DENND1A: variants seen among roughly 807,000 people sequenced by gnomAD.
DENND1A encodes the protein DENN domain-containing protein 1A.
DENND1A carries 51 observed loss-of-function variants against 113.7 expected under a neutral mutation model. The ratio of observed to expected loss-of-function variants is 0.45; its 90% CI spans 0.36 to 0.57. DENND1A has a LOEUF of 0.57. DENND1A is among the 20% of genes least tolerant of loss of function. The pLI, the probability that DENND1A is intolerant of heterozygous loss-of-function variation, is 0.00. For synonymous variants in DENND1A, 565 were observed against 570.8 expected (o/e 0.99, Z 0.14); for missense variants, 1,258 against 1,395.9 (o/e 0.90, Z 1.57).
At chr9:123,575,432 C>T (rs1295070428) in intron 12 of DENND1A, among the ~76,000 whole-genome samples, 1 of 152,164 alleles carries the variant, frequency 6.6e-6, no homozygotes, top group African/African-American at 2.4e-5. Context: ...TTGGAGACCC[C>T]TGTTGCAGAA....
At chr9:123,453,035 C>A (rs758428783) in intron 16 of DENND1A, among the ~76,000 whole-genome samples, 1 of 152,118 alleles carries the variant, frequency 6.6e-6, no homozygotes, top group Non-Finnish European at 1.5e-5. Context: ...AAGGCCTTCC[C>A]GCTCCTAAAA....
intron 4 of DENND1A, among the ~76,000 whole-genome samples, chr9:123,762,534 T>C (rs1019698806): frequency 6.6e-6 from 1 of 152,240 alleles, no homozygotes; most frequent in African/African-American, 2.4e-5. Flanking sequence ...AACAAACTTT[T>C]ACATGTGAGC....
chr9:123,722,647 C>A (rs2067422401), intron 5 of DENND1A, among the ~76,000 whole-genome samples: 1 of 152,212 alleles, frequency 6.6e-6, no homozygotes, highest in Non-Finnish European at 1.5e-5. Flanking sequence ...ACAGCTCAGG[C>A]TGTTGCTTCA....
chr9:123,745,156 A>C (rs17288815), intron 5 of DENND1A, among the ~76,000 whole-genome samples: 2,418 of 152,250 alleles, frequency 0.016, 29 homozygotes, highest in Non-Finnish European at 0.021. Flanking sequence ...GAGTAATCAG[A>C]AGCTCATTTC....
chr9:123,558,279 C>T (rs2057541208), intron 12 of DENND1A, among the ~76,000 whole-genome samples: 1 of 152,152 alleles, frequency 6.6e-6, no homozygotes, highest in Admixed American at 6.5e-5. Context: ...GTAGTCTGGG[C>T]CCAAACTCAG....
At chr9:123,572,443 C>T (rs983642379) in intron 12 of DENND1A, among the ~76,000 whole-genome samples, 4 of 152,094 alleles carry the variant, frequency 2.6e-5, no homozygotes, top group Non-Finnish European at 4.4e-5. Context: ...GGTGTGGGAT[C>T]GCCTGGTCAT....
At chr9:123,437,634 A>G (rs1386283443) in intron 19 of DENND1A, 1 of 152,142 alleles carries the variant, frequency 6.6e-6, no homozygotes, top group Non-Finnish European at 1.5e-5. Context: ...GACATATCAC[A>G]TGGCTGCAGT....
chr9:123,534,389 A>G (rs917730686), intron 13 of DENND1A, among the ~76,000 whole-genome samples: 2 of 152,254 alleles, frequency 1.3e-5, no homozygotes, highest in Non-Finnish European at 2.9e-5. Context: ...AGCTTAAAGT[A>G]ACTAGTTTTC....
intron 10 of DENND1A, among the ~76,000 whole-genome samples, chr9:123,618,377 A>C (rs560253624): frequency 4.6e-5 from 7 of 152,316 alleles, no homozygotes; most frequent in African/African-American, 1.7e-4. Flanking sequence ...CCAGGCTCCA[A>C]ATCAGGGAGG....
Position 123,382,448 on chromosome 9 carries a change from G to C in DENND1A, c.2197C>G (p.Arg733Gly). ...ALLGNSLALP[R>G]RPQNRDSILN... ...ATGCTGTCCCGGTTCTGGGGCCTTC[G>C]AGGCAGGGCCAGGGAGTTTCCGAGC... The change falls in exon 24 of 24, where the codon CGA becomes GGA. Residue 733 changes from arginine (R) to glycine (G), a missense_variant. Arg to Gly is a moderately radical substitution (Grantham distance 125, BLOSUM62 -2). Coordinates refer to ENST00000394215, the MANE Select transcript of DENND1A (RefSeq NM_001352964.2). 2 of 1,612,064 alleles carry C rather than the reference G, an allele frequency of 1.2e-6. No homozygotes were observed. The highest frequency in any genetic ancestry group is 1.7e-6 in the Non-Finnish European group (2 of 1,179,038).
intron 13 of DENND1A, among the ~76,000 whole-genome samples, chr9:123,541,789 C>T (rs1377223005): frequency 6.6e-6 from 1 of 152,238 alleles, no homozygotes; most frequent in East Asian, 1.9e-4. Context: ...TACTTCCCAT[C>T]TGCCATCGCA....
At chr9:123,489,257 T>C (rs2051156540) in intron 13 of DENND1A, among the ~76,000 whole-genome samples, 1 of 152,112 alleles carries the variant, frequency 6.6e-6, no homozygotes, top group African/African-American at 2.4e-5. Flanking sequence ...CTTACTATGA[T>C]GAAAGGAGAG....
At chr9:123,463,095 C>T (rs1245215647) in intron 13 of DENND1A, among the ~76,000 whole-genome samples, 1 of 152,210 alleles carries the variant, frequency 6.6e-6, no homozygotes, top group Admixed American at 6.5e-5. Flanking sequence ...AGCCCTTTGT[C>T]TTCTTAGGTG....
chr9:123,460,622 C>G (rs2048452324), intron 13 of DENND1A, among the ~76,000 whole-genome samples: 1 of 152,194 alleles, frequency 6.6e-6, no homozygotes, highest in Non-Finnish European at 1.5e-5. Context: ...CTTTCTAACT[C>G]CTTCCTATTT....
chr9:123,721,930 G>C lies in DENND1A; in HGVS notation c.302+35773C>G, dbSNP rs560309920. Among the ~76,000 whole-genome samples the C allele has an allele frequency of 2.8e-4, 42 of 152,340 alleles. No individual in the cohort carries two copies. In the South Asian group the frequency reaches 8.1e-3, roughly 29 times the overall value. ...CATTGCTGAAAAGATACCCAAAAAT[G>C]TGGAAGTGACTTTGGAACTGGGTAA... On this transcript the variant is annotated intron_variant, in intron 5 of 23. Transcript: ENST00000394215.
intron 21 of DENND1A, chr9:123,400,189 C>T (rs2043357329): frequency 1.3e-5 from 2 of 152,240 alleles, no homozygotes; most frequent in South Asian, 4.1e-4. Flanking sequence ...TCAAAAAAGT[C>T]TTCTTCCAAT....
Position 123,466,846 on chromosome 9 carries a change from G to A in DENND1A, c.994-8949C>T, listed in dbSNP as rs909299623. 2.7e-5 allele frequency among the ~76,000 whole-genome samples: 4 copies of A among 150,586 alleles called. No individual in the cohort carries two copies. The Admixed American group carries it at 2.7e-4, about 10-fold the overall frequency. ...GCCCAGGAGTTTGAGACCAGCCTGG[G>A]CAACACAGAGAGACCCCGTCTAGAC... On this transcript the variant is annotated intron_variant, in intron 13 of 23. Coordinates refer to ENST00000394215, the MANE Select transcript of DENND1A (RefSeq NM_001352964.2).
rs1182107867 is a variant in DENND1A at position 123,457,565 on chromosome 9, C to G, written c.1099-130G>C. ...TAAGGTTCAACAGGCAAGTTTCTTTCTAAAATACCGGCTGCATATTTATGA... is the reference window on the plus strand; with the variant it reads ...TAAGGTTCAACAGGCAAGTTTCTTTGTAAAATACCGGCTGCATATTTATGA... On this transcript the variant is annotated intron_variant, in intron 14 of 23. Coordinates refer to ENST00000394215, the MANE Select transcript of DENND1A (RefSeq NM_001352964.2). The G allele has an allele frequency of 6.1e-6, 5 of 821,204 alleles. No homozygotes were observed. The Admixed American group carries it at 1.3e-4, about 21-fold the overall frequency. The allele number at this position is 821,204 out of a possible 1,614,324, so 50.9% of individuals were successfully genotyped here.
chr9:123,772,138 CT>C (rs1829826014), intron 3 of DENND1A, among the ~76,000 whole-genome samples: 2 of 152,112 alleles, frequency 1.3e-5, no homozygotes, highest in Non-Finnish European at 2.9e-5. Flanking sequence ...GCAATGTTCT[CT>C]GTAAATAAAA....
Sources: allele counts gnomAD v4.1 joint callset (sites outside exome capture counted in the v4.1 genomes callset), GRCh38; gene constraint gnomAD v4.1.1; transcripts MANE v1.5; gene names NCBI Gene and HGNC (gene_info 2026-07-23, HGNC 2026-07-21).